The following CEMIP variants were observed in gnomAD, a reference collection of about 807,000 sequenced individuals.
CEMIP encodes cell migration-inducing and hyaluronan-binding protein.
CEMIP carries 105 observed loss-of-function variants against 156.9 expected under a neutral mutation model. That is an observed-to-expected ratio of 0.67 (90% CI 0.57 to 0.79). The LOEUF is 0.79. CEMIP is among the 30% of genes least tolerant of loss of function. The pLI, the probability that CEMIP is intolerant of heterozygous loss-of-function variation, is 0.00. For missense variants in CEMIP, 1,457 were observed against 1,769.4 expected (o/e 0.82, Z 3.17); for synonymous variants, 676 against 668.4 (o/e 1.01, Z -0.17).
At chr15:80,945,036 C>T (rs534201255) in intron 28 of CEMIP, among the ~76,000 whole-genome samples, 11 of 152,310 alleles carry the variant, frequency 7.2e-5, no homozygotes, top group Admixed American at 1.3e-4. Context: ...ACTGTGGCTG[C>T]GGGCCCTGCC....
chr15:80,892,315 GA>G (rs1356667729), intron 10 of CEMIP, among the ~76,000 whole-genome samples: 1 of 152,112 alleles, frequency 6.6e-6, no homozygotes, highest in Non-Finnish European at 1.5e-5. Context: ...TTGACCTTAA[GA>G]AAAGCTTTTC....
intron 1 of CEMIP, among the ~76,000 whole-genome samples, chr15:80,844,343 G>C (rs1897503022): frequency 6.6e-6 from 1 of 152,226 alleles, no homozygotes; most frequent in African/African-American, 2.4e-5. Flanking sequence ...AAAATAGCTG[G>C]CAATGCTCAG....
chr15:80,925,890 C>A, intron 19 of CEMIP, 135 bp downstream of exon 19: 1 of 1,306,906 alleles, frequency 7.7e-7, no homozygotes, highest in South Asian at 1.5e-5. Flanking sequence ...GTCCCCCAGC[C>A]AGGCAGGGGC....
intron 1 of CEMIP, among the ~76,000 whole-genome samples, chr15:80,809,246 C>A (rs1896596109): frequency 6.6e-6 from 1 of 152,108 alleles, no homozygotes; most frequent in Non-Finnish European, 1.5e-5. Flanking sequence ...AATTGGAAAC[C>A]TCCCAAATGC....
chr15:80,906,696 T>G lies in CEMIP; in HGVS notation c.1445T>G (p.Ile482Arg). 1 of 1,614,134 alleles carries G rather than the reference T, an allele frequency of 6.2e-7. No homozygotes were observed. The highest frequency in any genetic ancestry group is 1.1e-5 in the South Asian group (1 of 91,076). ...KPMYLHIGEEIDGVDMRAEVG... is the reference protein window; with the variant it reads ...KPMYLHIGEERDGVDMRAEVG... ...ATGTACCTGCACATCGGGGAGGAGA[T>G]AGACGGCGTGGACATGCGGGCGGAG... Residue 482 changes from isoleucine to arginine, a missense_variant, in exon 13 of 30, where the codon ATA (isoleucine) becomes AGA (arginine). This residue lies in a region of CEMIP where 280 missense variants were observed against 300.3 expected (regional missense o/e 0.93). Transcript: ENST00000394685. The surrounding 1 kb of genome is among the most constrained non-coding windows in gnomAD (Gnocchi z 4.3).
At chr15:80,884,089 G>A in intron 6 of CEMIP, 86 bp from the exon 7 acceptor site, 1 of 1,288,276 alleles carries the variant, frequency 7.8e-7, no homozygotes, top group Non-Finnish European at 1.1e-6. Context: ...TAGCATGTTA[G>A]CTGTCGCAGC....
At chr15:80,877,719 C>T (rs1433900171) in intron 3 of CEMIP, among the ~76,000 whole-genome samples, 1 of 152,240 alleles carries the variant, frequency 6.6e-6, no homozygotes, top group South Asian at 2.1e-4. Context: ...CATTGAGACT[C>T]TTTCCTGTGC....
In CEMIP at chr15:80,848,900, G is replaced by GCGCACACACACACACACA. The variant is rs1555430239; in HGVS notation, c.-175-24637_-175-24636insGCACACACACACACACAC. 1.4e-3 allele frequency among the ~76,000 whole-genome samples: 194 copies of GCGCACACACACACACACA among 134,630 alleles called. 1 individual carries two copies. The highest frequency in any genetic ancestry group is 5.4e-3 in the African/African-American group (181 of 33,802). 88.3% of individuals were successfully genotyped at this position (134,630 alleles called of 152,430 possible). A position where few individuals can be genotyped will look rare whatever the true frequency, so the allele number is the denominator to read the frequency against. ...TGTTCTCTGATGAGCGTGTGCGCGTGCACACACACACACACACACACACAC... is the reference window on the plus strand; with the variant it reads ...TGTTCTCTGATGAGCGTGTGCGCGTGCGCACACACACACACACACACACACACACACACACACACACAC... On this transcript the variant is annotated intron_variant, in intron 1 of 29. Coordinates refer to ENST00000394685, the MANE Select transcript of CEMIP (RefSeq NM_001293298.2).
intron 1 of CEMIP, among the ~76,000 whole-genome samples, chr15:80,862,479 T>C (rs1898012025): frequency 6.6e-6 from 1 of 152,182 alleles, no homozygotes; most frequent in Non-Finnish European, 1.5e-5. Context: ...GCAGCATTCA[T>C]TACCAGGTCC....
intron 1 of CEMIP, among the ~76,000 whole-genome samples, chr15:80,870,812 C>T (rs1469698277): frequency 1.3e-5 from 2 of 152,142 alleles, no homozygotes; most frequent in Non-Finnish European, 2.9e-5. Flanking sequence ...TGCTGGCTTT[C>T]GGAAAAGGGT....
intron 1 of CEMIP, among the ~76,000 whole-genome samples, chr15:80,860,497 G>A (rs1381770065): frequency 1.3e-5 from 2 of 152,202 alleles, no homozygotes; most frequent in African/African-American, 4.8e-5. Flanking sequence ...CCATGGATGG[G>A]ATGAGAATGG....
intron 1 of CEMIP, among the ~76,000 whole-genome samples, chr15:80,831,281 G>A (rs1326772245): frequency 3.9e-5 from 6 of 152,192 alleles, no homozygotes; most frequent in South Asian, 2.1e-4. Context: ...GGAAGGTATC[G>A]TGGGAGAGGC....
chr15:80,850,731 T>C (rs1198966216), intron 1 of CEMIP, among the ~76,000 whole-genome samples: 1 of 152,194 alleles, frequency 6.6e-6, no homozygotes, highest in East Asian at 1.9e-4. Flanking sequence ...AGCTACAGCC[T>C]GGCTCAGTTT....
intron 10 of CEMIP, among the ~76,000 whole-genome samples, chr15:80,893,640 C>T (rs978755116): frequency 1.7e-4 from 26 of 152,244 alleles, no homozygotes; most frequent in African/African-American, 6.3e-4. Flanking sequence ...CGTTGACCTC[C>T]GTCTAAAAGC....
chr15:80,851,689 G>A (rs1170107075), intron 1 of CEMIP, among the ~76,000 whole-genome samples: 5 of 152,116 alleles, frequency 3.3e-5, no homozygotes, highest in South Asian at 2.1e-4. Context: ...ATGAGCTCAC[G>A]TTGGACACTG....
chr15:80,789,088 T>A (rs1010690852), intron 1 of CEMIP, among the ~76,000 whole-genome samples: 3 of 152,182 alleles, frequency 2.0e-5, no homozygotes, highest in Non-Finnish European at 2.9e-5. Flanking sequence ...CTCACTCTCA[T>A]CCTGTCCCTG....
At chr15:80,897,047 A>G (rs141954722) in intron 12 of CEMIP, among the ~76,000 whole-genome samples, 15 of 152,350 alleles carry the variant, frequency 9.8e-5, no homozygotes, top group African/African-American at 3.4e-4. Flanking sequence ...AGGAACAGTC[A>G]TTGAAAGTTC....
chr15:80,895,235 C>G lies in CEMIP; in HGVS notation c.1219+113C>G. ...GTGAGACAGTGCTCCCAAAGGAGAG[C>G]ACTTTTGTGACACGGGAGCAGTGGG... On this transcript the variant is annotated intron_variant, in intron 11 of 29. Transcript: ENST00000394685. 3 of 1,438,728 alleles carry G rather than the reference C, an allele frequency of 2.1e-6. No homozygotes were observed. In the Admixed American group the frequency reaches 5.2e-5, roughly 25 times the overall value. The allele number at this position is 1,438,728 out of a possible 1,614,324, so 89.1% of individuals were successfully genotyped here.
intron 1 of CEMIP, among the ~76,000 whole-genome samples, chr15:80,859,843 G>A (rs1215992076): frequency 1.3e-5 from 2 of 152,198 alleles, no homozygotes; most frequent in South Asian, 2.1e-4. Context: ...CCTTTCTGCT[G>A]TACCTCTAGA....
Sources: gnomAD v4.1 joint callset for allele counts (sites outside exome capture counted in the v4.1 genomes callset) on GRCh38, gnomAD v4.1.1 for gene constraint, gnomAD v4.1.1 regional missense constraint, Gnocchi (gnomAD v3.1) non-coding constraint, MANE v1.5 for transcripts, NCBI Gene and HGNC (gene_info 2026-07-23, HGNC 2026-07-21) for gene names.